Variants in TIAL1 observed in about 807,000 individuals in gnomAD.
The protein encoded by TIAL1 is TIA1 cytotoxic granule associated RNA binding protein like 1.
In TIAL1, 7 loss-of-function variants were observed where a neutral mutation model predicts 59.7. The ratio of observed to expected loss-of-function variants is 0.12; its 90% CI spans 0.07 to 0.22. The LOEUF is 0.22. Among genes scored for constraint, TIAL1 ranks in the 10% least tolerant of loss-of-function variants. The pLI is 1.00. For missense variants in TIAL1, 225 were observed against 462.5 expected (o/e 0.49, Z 4.71); for synonymous variants, 149 against 146.3 (o/e 1.02, Z -0.13).
intron 1 of TIAL1, among the ~76,000 whole-genome samples, chr10:119,589,210 A>G (rs1043165929): frequency 2.0e-4 from 31 of 151,924 alleles, no homozygotes; most frequent in African/African-American, 7.5e-4. Context: ...AACAAAATAT[A>G]TATGTATTTT....
At position 119,590,213 on chromosome 10, in the gene TIAL1, G is replaced by A. The variant is rs553744193; in HGVS notation, c.33-1965C>T. ...CTAAACAAGTGACAAACTGTTTTAC[G>A]TCCACTATGCCACCTTTTCCACGTA... On this transcript the variant is annotated intron_variant, in intron 1 of 11. Transcript: ENST00000436547. Among the ~76,000 whole-genome samples the A allele has an allele frequency of 5.9e-5, 9 of 152,224 alleles. No individual in the cohort carries two copies. In the South Asian group the frequency reaches 8.3e-4, roughly 14 times the overall value.
At chr10:119,588,623 C>T (rs1383862454) in intron 1 of TIAL1, among the ~76,000 whole-genome samples, 5 of 152,164 alleles carry the variant, frequency 3.3e-5, no homozygotes, top group South Asian at 2.1e-4. Flanking sequence ...GAATTACAAG[C>T]GTGAGCCACT....
At chr10:119,581,877 A>G (rs1845325188) in intron 5 of TIAL1, 45 bp downstream of exon 5, 1 of 1,379,868 alleles carries the variant, frequency 7.2e-7, no homozygotes, top group South Asian at 1.2e-5. Flanking sequence ...ATCATATACA[A>G]TTCTGCCTAT....
rs183562530 is a variant in TIAL1, at chr10:119,591,440, C to T, written c.33-3192G>A. On this transcript the variant is annotated intron_variant, in intron 1 of 11. Coordinates refer to ENST00000436547, the MANE Select transcript of TIAL1 (RefSeq NM_003252.4). ...AAAAAAAATCTTTATTCTAAGTCAA[C>T]CTATTTCCCGCCAGTTACAGATCTT... is the stretch of plus-strand genomic sequence containing the variant. Among the ~76,000 whole-genome samples the T allele has an allele frequency of 2.8e-3, 429 of 151,918 alleles. 1 individual carries two copies. The highest frequency in any genetic ancestry group is 9.9e-3 in the African/African-American group (409 of 41,460).
At position 119,574,586 on chromosome 10, in the gene TIAL1, CAAAAAAAAAAAA is replaced by C. The variant is rs5788360; in HGVS notation, c.*1067_*1078del. 1 of 86,550 alleles carries C rather than the reference CAAAAAAAAAAAA, an allele frequency of 1.2e-5. No homozygotes were observed. Among genetic ancestry groups the C allele is most frequent in the South Asian group, 5.7e-4 (1 of 1,740 alleles). 5.4% of individuals were successfully genotyped at this position (86,550 alleles called of 1,614,324 possible). ...TATTTACATACCAAGTAATGTAAAG[CAAAAAAAAAAAA>C]AAAAAAAAACAAAAACAAAAAACTA... On this transcript the variant is annotated 3_prime_UTR_variant, in exon 12 of 12. Transcript: ENST00000436547.
At position 119,587,628 on chromosome 10, in the gene TIAL1, CA is replaced by C. The variant is rs565979963; in HGVS notation, c.129+523del. Among the ~76,000 whole-genome samples the C allele has an allele frequency of 3.2e-3, 420 of 130,628 alleles. 1 individual carries two copies. Among genetic ancestry groups the C allele is most frequent in the African/African-American group, 7.1e-3 (251 of 35,370 alleles). 85.7% of individuals were successfully genotyped at this position (130,628 alleles called of 152,430 possible). ...AGTATCTAGTACATAGGAAATAGTC[CA>C]AAAAAAAAAAAGAAAGCTGATCAAT... On this transcript the variant is annotated intron_variant, in intron 2 of 11. Transcript: ENST00000436547.
chr10:119,585,197 G>A (rs1337777208), intron 2 of TIAL1, among the ~76,000 whole-genome samples: 1 of 151,404 alleles, frequency 6.6e-6, no homozygotes. Context: ...AGCACTTTAG[G>A]AGGATGAGGC....
At chr10:119,580,369 T>C (rs1385025781) in intron 5 of TIAL1, 1 of 397,632 alleles carries the variant, frequency 2.5e-6, no homozygotes, top group East Asian at 1.1e-4. Flanking sequence ...TACTTTACCA[T>C]GCAATCTCTA....
intron 2 of TIAL1, among the ~76,000 whole-genome samples, chr10:119,586,447 T>C (rs1412112363): frequency 6.6e-6 from 1 of 152,198 alleles, no homozygotes; most frequent in Non-Finnish European, 1.5e-5. Flanking sequence ...CATCATCTCT[T>C]ACCTAGACTA....
chr10:119,575,714 G>C lies in TIAL1; in HGVS notation c.1079C>G (p.Pro360Arg). The C allele has an allele frequency of 1.2e-6, 2 of 1,611,584 alleles. No homozygotes were observed. The highest frequency in any genetic ancestry group is 1.7e-6 in the Non-Finnish European group (2 of 1,178,960). Reference sequence around the variant, plus strand: ...ACCATATCCGGCTTGGTTAGGAGGAGGTATTACAGGGGGAGGAGCTTGTCC... The same window carrying C: ...ACCATATCCGGCTTGGTTAGGAGGACGTATTACAGGGGGAGGAGCTTGTCC... ...PQGQAPPPVI[P>R]PPNQAGYGMA... The change falls in exon 12 of 12, where the codon CCT (proline) becomes CGT (arginine). Residue 360 changes from proline to arginine, a missense_variant. Pro to Arg is a moderately radical substitution (Grantham distance 103, BLOSUM62 -2). This residue lies in a region of TIAL1 where 68 missense variants were observed against 71.3 expected (regional missense o/e 0.95). Transcript: ENST00000436547.
Position 119,584,341 on chromosome 10 carries a change from T to A in TIAL1, c.130-1784A>T, listed in dbSNP as rs76760521. Among the ~76,000 whole-genome samples the A allele has an allele frequency of 8.2e-3, 1,247 of 152,032 alleles. 38 individuals carry two copies. The East Asian group carries it at 0.098, about 12-fold the overall frequency. The stretch of plus-strand genomic sequence containing the variant: ...TTAGAATCAATAATATATATTTGTA[T>A]TATATAAGGAAAGCTAGAATCTATG... On this transcript the variant is annotated intron_variant, in intron 2 of 11. Coordinates refer to ENST00000436547, the MANE Select transcript of TIAL1 (RefSeq NM_003252.4).
rs1423854106 is a variant in TIAL1 at position 119,582,215 on chromosome 10, T to C, written c.237A>G (p.Lys79=). The C allele has an allele frequency of 4.4e-6, 7 of 1,601,086 alleles. No individual in the cohort carries two copies. The highest frequency in any genetic ancestry group is 6.0e-6 in the Non-Finnish European group (7 of 1,175,616). The part of the protein sequence containing the change: ...NGRKILGKEV[K]VNWATTPSSQ... ...TACTTGGTGTGGTTGCCCAGTTTAC[T>C]TTGACCTCCTAAAAATAAAGATTAT... Residue 79 remains lysine, a synonymous_variant, in exon 4 of 12, where the codon AAA becomes AAG. Transcript: ENST00000436547. This position sits in a 1 kb window ranked among gnomAD's most constrained non-coding sequence, Gnocchi z 5.1.
rs754725722 is a variant in TIAL1, at chr10:119,582,633, C to G, written c.130-76G>C. On this transcript the variant is annotated intron_variant, in intron 2 of 11. Coordinates refer to ENST00000436547, the MANE Select transcript of TIAL1 (RefSeq NM_003252.4). The surrounding 1 kb of genome is among the most constrained non-coding windows in gnomAD (Gnocchi z 5.1). Reference sequence around the variant, plus strand: ...GCTGAGAAGAAAATCCAGGAAAAAACATTACTGATAGCTGGGAATATACAA... The same window carrying G: ...GCTGAGAAGAAAATCCAGGAAAAAAGATTACTGATAGCTGGGAATATACAA... The G allele has an allele frequency of 6.3e-7, 1 of 1,581,798 alleles. No individual in the cohort carries two copies. The highest frequency in any genetic ancestry group is 1.9e-5 in the Admixed American group (1 of 52,788).
chr10:119,580,792 G>A, intron 5 of TIAL1: 1 of 1,187,314 alleles, frequency 8.4e-7, no homozygotes, highest in Non-Finnish European at 1.1e-6. Context: ...GAGTTCCAGT[G>A]TGCACAGTTC....
intron 2 of TIAL1, among the ~76,000 whole-genome samples, chr10:119,585,909 C>T (rs1845550913): frequency 6.6e-6 from 1 of 152,160 alleles, no homozygotes; most frequent in Admixed American, 6.5e-5. Flanking sequence ...CTTCTGTCTC[C>T]TACCACACTC....
chr10:119,582,875 C>A lies in TIAL1; in HGVS notation c.130-318G>T, dbSNP rs2069142. On this transcript the variant is annotated intron_variant, in intron 2 of 11. Transcript: ENST00000436547. This position sits in a 1 kb window ranked among gnomAD's most constrained non-coding sequence, Gnocchi z 5.1. Reference sequence around the variant, plus strand: ...ATTAAACCAAACAAAACCTCAAACTCAGATCTGATGAGGACCACTCCTTAC... The same window carrying A: ...ATTAAACCAAACAAAACCTCAAACTAAGATCTGATGAGGACCACTCCTTAC... Among the ~76,000 whole-genome samples, 6,394 of 152,138 alleles carry A rather than the reference C, an allele frequency of 0.042. 243 individuals carry two copies. The highest frequency in any genetic ancestry group is 0.2 in the South Asian group (943 of 4,814).
chr10:119,583,063 C>T (rs1049893187), intron 2 of TIAL1, among the ~76,000 whole-genome samples: 3 of 152,088 alleles, frequency 2.0e-5, no homozygotes, highest in African/African-American at 7.2e-5. Context: ...TTCTATGCTG[C>T]TACAAAGACT....
At position 119,582,773 on chromosome 10, in the gene TIAL1, G is replaced by A. The variant is rs1401230269; in HGVS notation, c.130-216C>T. Among the ~76,000 whole-genome samples, 4 of 152,128 alleles carry A rather than the reference G, an allele frequency of 2.6e-5. No homozygotes were observed. In the East Asian group the frequency reaches 5.8e-4, roughly 22 times the overall value. On this transcript the variant is annotated intron_variant, in intron 2 of 11. Transcript: ENST00000436547. This position sits in a 1 kb window ranked among gnomAD's most constrained non-coding sequence, Gnocchi z 5.1. ...CTCAAACGGAACTATAAAAGCAGTT[G>A]TAGAATCATGAGCATCAGTATTAAA...
intron 2 of TIAL1, among the ~76,000 whole-genome samples, chr10:119,583,297 C>A (rs1458055396): frequency 6.6e-6 from 1 of 152,168 alleles, no homozygotes; most frequent in East Asian, 1.9e-4. Context: ...TATTCCAAGA[C>A]AAAGCTATAA....
Sources: gnomAD v4.1 joint callset for allele counts (sites outside exome capture counted in the v4.1 genomes callset) on GRCh38, gnomAD v4.1.1 for gene constraint, gnomAD v4.1.1 regional missense constraint, Gnocchi (gnomAD v3.1) non-coding constraint, MANE v1.5 for transcripts, NCBI Gene and HGNC (gene_info 2026-07-23, HGNC 2026-07-21) for gene names.